The following POLR3E variants were observed in gnomAD, a reference collection of about 807,000 sequenced individuals.
The protein encoded by POLR3E is RNA polymerase III subunit E, also known as DNA-directed RNA polymerase III subunit RPC5.
A neutral mutation model predicts 96.6 loss-of-function variants in POLR3E; 41 were observed. The observed-to-expected ratio is 0.42, with a 90% CI of 0.33 to 0.55. The LOEUF is 0.55. POLR3E is among the 20% of genes least tolerant of loss of function. The pLI is 0.06. For missense variants in POLR3E, 849 were observed against 952.1 expected (o/e 0.89, Z 1.43); for synonymous variants, 396 against 383.6 (o/e 1.03, Z -0.38).
chr16:22,303,342 T>C (rs2048066312), intron 2 of POLR3E, among the ~76,000 whole-genome samples: 1 of 152,150 alleles, frequency 6.6e-6, no homozygotes, highest in Non-Finnish European at 1.5e-5. Context: ...TAGATATCAG[T>C]TGATTGCTTT....
At chr16:22,319,468 G>A (rs1462767431) in intron 13 of POLR3E, among the ~76,000 whole-genome samples, 1 of 150,700 alleles carries the variant, frequency 6.6e-6, no homozygotes, top group East Asian at 2.0e-4. Context: ...GTGCGATCTC[G>A]GCTCACTGCA....
intron 6 of POLR3E, 56 bp downstream of exon 6, chr16:22,309,566 G>T (rs2048204120): frequency 8.2e-7 from 1 of 1,214,708 alleles, no homozygotes. Context: ...GGGCTGGGCA[G>T]GGAGAGTACC....
intron 2 of POLR3E, among the ~76,000 whole-genome samples, chr16:22,304,358 A>C (rs531397254): frequency 4.8e-4 from 73 of 152,190 alleles, no homozygotes; most frequent in Non-Finnish European, 8.8e-4. Context: ...AGTTATTTAG[A>C]TGCATTTAAG....
At position 22,333,714 on chromosome 16, in the gene POLR3E, C is replaced by T. The variant is rs964428404; in HGVS notation, c.*14C>T. ...GTACAGTCTTGACAATAGTAGCAAA[C>T]TACTAACCCAGCAAATCTAAGCCCA... is the stretch of plus-strand genomic sequence containing the variant. On this transcript the variant is annotated 3_prime_UTR_variant, in exon 21 of 21. Coordinates refer to ENST00000299853, the MANE Select transcript of POLR3E (RefSeq NM_018119.4). 9 of 1,584,226 alleles carry T rather than the reference C, an allele frequency of 5.7e-6. No homozygotes were observed. The highest frequency in any genetic ancestry group is 1.3e-5 in the African/African-American group (1 of 74,302).
At chr16:22,311,519 G>A (rs945006964) in intron 6 of POLR3E, among the ~76,000 whole-genome samples, 8 of 150,708 alleles carry the variant, frequency 5.3e-5, no homozygotes, top group East Asian at 1.9e-4. Context: ...TTTGGAGACC[G>A]GGTCTCACTC....
rs771213501 is a variant in POLR3E at position 22,308,975 on chromosome 16, C to A, written c.216C>A (p.Ser72Arg). 19 of 1,613,984 alleles carry A rather than the reference C, an allele frequency of 1.2e-5. No homozygotes were observed. The Middle Eastern group carries it at 4.9e-4, about 42-fold the overall frequency. Reference sequence around the variant, plus strand: ...CCCTGAACCCCAACTATTGCCGCAGCAAAGGGGAGCAGATTGCGCTGAACG... The same window carrying A: ...CCCTGAACCCCAACTATTGCCGCAGAAAAGGGGAGCAGATTGCGCTGAACG... ...IDTLNPNYCR[S>R]KGEQIALNVD... is the part of the protein sequence containing the mutation. The change falls in exon 5 of 21, where the codon AGC becomes AGA. Residue 72 changes from serine (S) to arginine (R), a missense_variant. Ser to Arg is a moderately radical substitution (Grantham distance 110). Transcript: ENST00000299853.
intron 9 of POLR3E, 45 bp downstream of exon 9, chr16:22,315,253 C>A: frequency 6.5e-7 from 1 of 1,548,048 alleles, no homozygotes; most frequent in East Asian, 2.4e-5. Flanking sequence ...CCTCGGTGCC[C>A]GGAAGGGTCA....
At chr16:22,301,727 A>G (rs113010403) in intron 1 of POLR3E, among the ~76,000 whole-genome samples, 2 of 152,200 alleles carry the variant, frequency 1.3e-5, no homozygotes, top group Non-Finnish European at 2.9e-5. Flanking sequence ...GGAATTCAAG[A>G]CTAACCTGGC....
rs2048793330 is a variant in POLR3E at position 22,333,766 on chromosome 16, G to A, written c.*66G>A. On this transcript the variant is annotated 3_prime_UTR_variant, in exon 21 of 21. Coordinates refer to ENST00000299853, the MANE Select transcript of POLR3E (RefSeq NM_018119.4). ...GGAAGAAGGGCGGAACCAGAAGTAG[G>A]GCCTCGACTTGCTTCAGACGACACA... The A allele has an allele frequency of 9.1e-7, 1 of 1,099,872 alleles. No homozygotes were observed. Among genetic ancestry groups the A allele is most frequent in the Non-Finnish European group, 1.4e-6 (1 of 711,016 alleles). 68.1% of individuals were successfully genotyped at this position (1,099,872 alleles called of 1,614,324 possible). A position where few individuals can be genotyped will look rare whatever the true frequency, so the allele number is the denominator to read the frequency against.
At position 22,322,152 on chromosome 16, in the gene POLR3E, A is replaced by G. The variant is rs2048483256; in HGVS notation, c.987-698A>G. On this transcript the variant is annotated intron_variant, in intron 13 of 20. Transcript: ENST00000299853. The surrounding 1 kb of genome is among the most constrained non-coding windows in gnomAD (Gnocchi z 5.2). Reference sequence around the variant, plus strand: ...AGAGCGTGGCCTTGCAGGATGAGTGACAGTTGGTTGCCAGGTGGACCTGAG... The same window carrying G: ...AGAGCGTGGCCTTGCAGGATGAGTGGCAGTTGGTTGCCAGGTGGACCTGAG... 6.6e-6 allele frequency among the ~76,000 whole-genome samples: 1 copy of G among 152,188 alleles called. No homozygotes were observed. The highest frequency in any genetic ancestry group is 6.5e-5 in the Admixed American group (1 of 15,284).
intron 1 of POLR3E, among the ~76,000 whole-genome samples, chr16:22,298,000 G>A (rs1024512189): frequency 1.3e-5 from 2 of 152,258 alleles, no homozygotes; most frequent in African/African-American, 4.8e-5. Context: ...TGCGCCTGCC[G>A]GAGCCCCCAC....
chr16:22,332,944 AGTATCT>A (rs1224747045), intron 20 of POLR3E, among the ~76,000 whole-genome samples: 8 of 145,416 alleles, frequency 5.5e-5, no homozygotes, highest in African/African-American at 2.0e-4. Flanking sequence ...TGGGCATGTC[AGTATCT>A]GTATTTCGTA....
At chr16:22,317,089 T>A in intron 11 of POLR3E, 26 bp from the exon 12 acceptor site, 1 of 1,613,862 alleles carries the variant, frequency 6.2e-7, no homozygotes, top group Non-Finnish European at 8.5e-7. Context: ...TGGCTGCCTC[T>A]AACCCGTCCC....
In POLR3E at chr16:22,331,180, C is replaced by T. The variant is rs537179901; in HGVS notation, c.1945-880C>T. Among the ~76,000 whole-genome samples the T allele has an allele frequency of 9.9e-5, 15 of 151,746 alleles. No homozygotes were observed. In the South Asian group the frequency reaches 1.0e-3, roughly 11 times the overall value. Reference sequence around the variant, plus strand: ...TTTTAGTAGAGACGGAGTTTCACCACGTTGGACAGGCTGGTCTCGAACTCC... The same window carrying T: ...TTTTAGTAGAGACGGAGTTTCACCATGTTGGACAGGCTGGTCTCGAACTCC... On this transcript the variant is annotated intron_variant, in intron 19 of 20. Transcript: ENST00000299853.
chr16:22,319,787 A>G (rs2048433988), intron 13 of POLR3E, among the ~76,000 whole-genome samples: 1 of 152,206 alleles, frequency 6.6e-6, no homozygotes, highest in Non-Finnish European at 1.5e-5. Flanking sequence ...TGTAATGATC[A>G]AATCAGGGCA....
At chr16:22,333,219 G>A (rs1176906844) in intron 20 of POLR3E, among the ~76,000 whole-genome samples, 1 of 151,010 alleles carries the variant, frequency 6.6e-6, no homozygotes, top group Non-Finnish European at 1.5e-5. Context: ...TTGGGAGGCT[G>A]AGGTGGGTGG....
At chr16:22,328,650 C>T in intron 19 of POLR3E, 63 bp downstream of exon 19, 1 of 1,358,004 alleles carries the variant, frequency 7.4e-7, no homozygotes, top group Non-Finnish European at 1.1e-6. Flanking sequence ...GCGTTGGAGG[C>T]CTTGGGGGAC....
chr16:22,302,944 A>C lies in POLR3E; in HGVS notation c.-25A>C. The C allele has an allele frequency of 6.2e-7, 1 of 1,612,432 alleles. No individual in the cohort carries two copies. Among genetic ancestry groups the C allele is most frequent in the Non-Finnish European group, 8.5e-7 (1 of 1,178,476 alleles). On this transcript the variant is annotated 5_prime_UTR_variant, in exon 2 of 21. Coordinates refer to ENST00000299853, the MANE Select transcript of POLR3E (RefSeq NM_018119.4). ...CCTCCTTTGCAGATCGAGCTGAAGG[A>C]CTGCGCGGCTGGCTCTCCTCTAGTA...
At chr16:22,327,815 T>A (rs2048635758) in intron 18 of POLR3E, 2 of 152,192 alleles carry the variant, frequency 1.3e-5, no homozygotes, top group African/African-American at 4.8e-5. Flanking sequence ...ACCTCCCCAG[T>A]TTCTAATGCT....
Sources: gnomAD v4.1 joint callset for allele counts (sites outside exome capture counted in the v4.1 genomes callset) on GRCh38, gnomAD v4.1.1 for gene constraint, Gnocchi (gnomAD v3.1) non-coding constraint, MANE v1.5 for transcripts, NCBI Gene and HGNC (gene_info 2026-07-23, HGNC 2026-07-21) for gene names.